The following ABCG1 variants were observed in gnomAD, a reference collection of about 807,000 sequenced individuals.
The protein encoded by ABCG1 is ATP-binding cassette sub-family G member 1.
A neutral mutation model predicts 69.2 loss-of-function variants in ABCG1; 29 were observed. The ratio of observed to expected loss-of-function variants is 0.42; its 90% CI spans 0.31 to 0.57. ABCG1 has a LOEUF of 0.57. Among genes scored for constraint, ABCG1 ranks in the 20% least tolerant of loss-of-function variants. The probability of loss-of-function intolerance (pLI) is 0.15; values close to 1 mark genes in which losing one functional copy is unlikely to be tolerated. For missense variants in ABCG1, 718 were observed against 898.1 expected (o/e 0.80, Z 2.56); for synonymous variants, 370 against 374.8 (o/e 0.99, Z 0.15).
chr21:42,296,205 A>G lies in ABCG1; in HGVS notation c.1814A>G (p.Asp605Gly). Residue 605 changes from aspartate to glycine, a missense_variant, in exon 15 of 15, where the codon GAC becomes GGC. By Grantham distance (94) the Asp-to-Gly change is moderately conservative. Around this residue, in one of 2 missense-constraint regions of ABCG1, gnomAD observed 204 missense variants for 323.8 expected, o/e 0.63. Coordinates refer to ENST00000398449, the MANE Select transcript of ABCG1 (RefSeq NM_016818.3). The surrounding 1 kb of genome is among the most constrained non-coding windows in gnomAD (Gnocchi z 5.4). ...EGVILSIYGL[D>G]REDLHCDIDE... ...GTCATCCTCTCCATCTATGGCTTAG[A>G]CCGGGAAGATCTGCACTGTGACATC... 6.2e-7 allele frequency: 1 copy of G among 1,614,016 alleles called. No individual in the cohort carries two copies. Among genetic ancestry groups the G allele is most frequent in the Non-Finnish European group, 8.5e-7 (1 of 1,179,998 alleles).
At chr21:42,295,533 G>A (rs2069191892) in intron 14 of ABCG1, among the ~76,000 whole-genome samples, 1 of 152,338 alleles carries the variant, frequency 6.6e-6, no homozygotes, top group East Asian at 1.9e-4. Context: ...ACCAGGGGCA[G>A]CGCCCATCTT....
rs914270491 is a variant in ABCG1 at position 42,290,988 on chromosome 21, G to T, written c.1394-104G>T. 1.8e-4 allele frequency: 146 copies of T among 817,396 alleles called. 1 individual carries two copies. The highest frequency in any genetic ancestry group is 3.6e-4 in the South Asian group (24 of 66,024). The allele number at this position is 817,396 out of a possible 1,614,324, so 50.6% of individuals were successfully genotyped here. A position where few individuals can be genotyped will look rare whatever the true frequency, so the allele number is the denominator to read the frequency against. ...TTCAATCTCTCAGTGCCCTAGGCCA[G>T]AGCTGGGTTACCAGCCGCTCAGCTC... On this transcript the variant is annotated intron_variant, in intron 11 of 14. Transcript: ENST00000398449.
Position 42,288,648 on chromosome 21 carries a change from C to A in ABCG1, c.1224+336C>A, listed in dbSNP as rs2068995731. ...CTTGAACCCAGGGGGGCGGAGATTG[C>A]AGTGAGCCGAGATTGCACCACTGCA... On this transcript the variant is annotated intron_variant, in intron 10 of 14. Transcript: ENST00000398449. This position sits in a 1 kb window ranked among gnomAD's most constrained non-coding sequence, Gnocchi z 4.8. Among the ~76,000 whole-genome samples, 1 of 151,832 alleles carries A rather than the reference C, an allele frequency of 6.6e-6. No homozygotes were observed. Among genetic ancestry groups the A allele is most frequent in the South Asian group, 2.1e-4 (1 of 4,816 alleles).
chr21:42,268,381 G>GTGTGTGTT lies in ABCG1; in HGVS notation c.287-2682_287-2681insTTGTGTGT, dbSNP rs1280003537. Reference sequence around the variant, plus strand: ...GGTAGGGGTGTGTGTGTGTGTGTGTGTGTGTGTGCGCGCGCGCGCTGGATA... The same window carrying GTGTGTGTT: ...GGTAGGGGTGTGTGTGTGTGTGTGTGTGTGTGTTTGTGTGTGCGCGCGCGCGCTGGATA... On this transcript the variant is annotated intron_variant, in intron 2 of 14. Coordinates refer to ENST00000398449, the MANE Select transcript of ABCG1 (RefSeq NM_016818.3). 4.9e-3 allele frequency among the ~76,000 whole-genome samples: 679 copies of GTGTGTGTT among 138,728 alleles called. 5 individuals are homozygous for GTGTGTGTT. The highest frequency in any genetic ancestry group is 0.018 in the African/African-American group (599 of 32,426). 91.0% of individuals were successfully genotyped at this position (138,728 alleles called of 152,430 possible).
At chr21:42,209,430 G>GGC (rs1377892909) in intron 2 of ABCG1, among the ~76,000 whole-genome samples, 1 of 152,220 alleles carries the variant, frequency 6.6e-6, no homozygotes, top group Non-Finnish European at 1.5e-5. Flanking sequence ...ACTCCAGCTA[G>GGC]GCTCCGTGCT....
chr21:42,250,361 A>G (rs1366061127), intron 2 of ABCG1, among the ~76,000 whole-genome samples: 1 of 152,128 alleles, frequency 6.6e-6, no homozygotes, highest in African/African-American at 2.4e-5. Flanking sequence ...ATCCAAACCC[A>G]GTTCACTTCC....
At chr21:42,208,853 T>C (rs2067564156) in intron 2 of ABCG1, among the ~76,000 whole-genome samples, 1 of 152,226 alleles carries the variant, frequency 6.6e-6, no homozygotes, top group South Asian at 2.1e-4. Flanking sequence ...TTGCAGGACC[T>C]GAGGCAGAAG....
rs1166437455 is a variant in ABCG1 at position 42,273,780 on chromosome 21, T to C, written c.537+345T>C. ...TGCAGGCCAGTGCTTGGGATTCTCCTTCCTGTCAGCTATCCTTGAGTCTTT... is the reference window on the plus strand; with the variant it reads ...TGCAGGCCAGTGCTTGGGATTCTCCCTCCTGTCAGCTATCCTTGAGTCTTT... On this transcript the variant is annotated intron_variant, in intron 4 of 14. Coordinates refer to ENST00000398449, the MANE Select transcript of ABCG1 (RefSeq NM_016818.3). This position sits in a 1 kb window ranked among gnomAD's most constrained non-coding sequence, Gnocchi z 5.3. Among the ~76,000 whole-genome samples, 1 of 152,200 alleles carries C rather than the reference T, an allele frequency of 6.6e-6. No homozygotes were observed. The highest frequency in any genetic ancestry group is 2.4e-5 in the African/African-American group (1 of 41,444).
At chr21:42,241,155 G>T (rs1225698409) in intron 2 of ABCG1, among the ~76,000 whole-genome samples, 1 of 152,264 alleles carries the variant, frequency 6.6e-6, no homozygotes, top group African/African-American at 2.4e-5. Context: ...ACGTTCAGAC[G>T]TGACTGCCTG....
At chr21:42,201,418 C>T (rs562503626) in intron 1 of ABCG1, among the ~76,000 whole-genome samples, 13 of 152,294 alleles carry the variant, frequency 8.5e-5, no homozygotes, top group African/African-American at 1.7e-4. Flanking sequence ...AAAGCTCCCT[C>T]GCTTGCCGCT....
chr21:42,209,418 C>G (rs146824694), intron 2 of ABCG1, among the ~76,000 whole-genome samples: 2 of 152,314 alleles, frequency 1.3e-5, no homozygotes, highest in Non-Finnish European at 2.9e-5. Flanking sequence ...TATTAAGCAC[C>G]TACTCCAGCT....
chr21:42,284,528 G>A lies in ABCG1; in HGVS notation c.735-32G>A, dbSNP rs200210050. ...GGGCAGTGGCTAGTTCCTGCCGCCC[G>A]CAGGCGTCTCACGGTGCCTCTTGAC... On this transcript the variant is annotated intron_variant, in intron 6 of 14. Coordinates refer to ENST00000398449, the MANE Select transcript of ABCG1 (RefSeq NM_016818.3). The A allele has an allele frequency of 3.5e-4, 564 of 1,608,122 alleles. 3 individuals are homozygous for A. The Admixed American group carries it at 7.1e-3, about 20-fold the overall frequency.
At chr21:42,200,593 G>T (rs2067498584) in intron 1 of ABCG1, among the ~76,000 whole-genome samples, 1 of 127,724 alleles carries the variant, frequency 7.8e-6, no homozygotes, top group South Asian at 2.5e-4. Context: ...CTTTTATGTT[G>T]CACTTTTTTT....
intron 2 of ABCG1, among the ~76,000 whole-genome samples, chr21:42,267,234 ATC>A (rs2068520960): frequency 6.6e-6 from 1 of 152,120 alleles, no homozygotes; most frequent in Non-Finnish European, 1.5e-5. Flanking sequence ...TGCAGTTTTT[ATC>A]TGAGTTCCGT....
chr21:42,238,896 A>G (rs2068013004), intron 2 of ABCG1, among the ~76,000 whole-genome samples: 1 of 152,232 alleles, frequency 6.6e-6, no homozygotes, highest in Non-Finnish European at 1.5e-5. Context: ...CAGGTCGTGA[A>G]CATTGTTCTT....
chr21:42,216,548 G>C (rs1001102980), upstream of ABCG1, among the ~76,000 whole-genome samples: 15 of 152,178 alleles, frequency 9.9e-5, no homozygotes, highest in Admixed American at 3.9e-4. Flanking sequence ...GTTGCTGCCA[G>C]GTGACAGGAG....
intron 5 of ABCG1, 51 bp from the exon 6 acceptor site, chr21:42,282,223 T>C (rs1404147563): frequency 1.3e-6 from 2 of 1,586,168 alleles, no homozygotes; most frequent in African/African-American, 1.3e-5. Context: ...CCATGGGAGG[T>C]GGTGAGCTTT....
At chr21:42,275,452 T>C (rs1263064553) in intron 4 of ABCG1, among the ~76,000 whole-genome samples, 2 of 152,240 alleles carry the variant, frequency 1.3e-5, no homozygotes. Flanking sequence ...GAAGTTTTTC[T>C]TGACCCTAAT....
intron 6 of ABCG1, among the ~76,000 whole-genome samples, chr21:42,282,963 G>C (rs1362534605): frequency 6.6e-6 from 1 of 152,188 alleles, no homozygotes; most frequent in Non-Finnish European, 1.5e-5. Context: ...CCTGGGTGAT[G>C]CCCTTTATGT....
Sources: gnomAD v4.1 joint callset for allele counts (sites outside exome capture counted in the v4.1 genomes callset) on GRCh38, gnomAD v4.1.1 for gene constraint, gnomAD v4.1.1 regional missense constraint, Gnocchi (gnomAD v3.1) non-coding constraint, MANE v1.5 for transcripts, NCBI Gene and HGNC (gene_info 2026-07-23, HGNC 2026-07-21) for gene names.